Variants in ZNF536 observed in about 807,000 individuals in gnomAD.
The protein encoded by ZNF536 is zinc finger protein 536.
In ZNF536, 13 loss-of-function variants were observed where a neutral mutation model predicts 84.5. The observed-to-expected ratio is 0.15, with a 90% CI of 0.10 to 0.24. The LOEUF is 0.24. Ranked by LOEUF, ZNF536 falls within the 10% of genes least tolerant of loss-of-function variation. The probability of loss-of-function intolerance (pLI) is 1.00; values close to 1 mark genes in which losing one functional copy is unlikely to be tolerated. For synonymous variants in ZNF536, 811 were observed against 742.5 expected (o/e 1.09, Z -1.50); for missense variants, 1,536 against 1,747.5 (o/e 0.88, Z 2.16).
intron 1 of ZNF536, among the ~76,000 whole-genome samples, chr19:30,610,927 G>A (rs1166443310): frequency 2.0e-5 from 3 of 152,192 alleles, no homozygotes; most frequent in Middle Eastern, 3.2e-3. Flanking sequence ...AAGAAGCTCT[G>A]TTATTTACCT....
At chr19:30,387,366 G>T (rs916614994) in intron 1 of ZNF536, among the ~76,000 whole-genome samples, 5 of 152,250 alleles carry the variant, frequency 3.3e-5, no homozygotes, top group African/African-American at 1.2e-4. Context: ...GCCCCTGGTT[G>T]CTGTGGGCTG....
At chr19:30,304,359 G>A (rs2046283630) in intron 2 of ZNF536, among the ~76,000 whole-genome samples, 1 of 152,200 alleles carries the variant, frequency 6.6e-6, no homozygotes, top group Non-Finnish European at 1.5e-5. Flanking sequence ...CTTAAGGCCA[G>A]GTCCCTTAGG....
chr19:30,640,843 G>A (rs112432422), intron 1 of ZNF536, among the ~76,000 whole-genome samples: 5 of 152,224 alleles, frequency 3.3e-5, no homozygotes, highest in East Asian at 1.9e-4. Flanking sequence ...CTAGGGCCTC[G>A]TGTCAGCAGC....
At chr19:30,602,092 C>T (rs2047707684) in intron 1 of ZNF536, among the ~76,000 whole-genome samples, 1 of 152,236 alleles carries the variant, frequency 6.6e-6, no homozygotes, top group Non-Finnish European at 1.5e-5. Context: ...TTAGCGTTAT[C>T]TGCAGTGGTA....
intron 1 of ZNF536, among the ~76,000 whole-genome samples, chr19:30,657,342 A>C (rs1329591242): frequency 6.6e-6 from 1 of 152,334 alleles, no homozygotes; most frequent in East Asian, 1.9e-4. Flanking sequence ...ATCACTCTAC[A>C]GACTTGGAGA....
At chr19:30,475,154 C>T (rs1414103767) in intron 2 of ZNF536, among the ~76,000 whole-genome samples, 1 of 152,150 alleles carries the variant, frequency 6.6e-6, no homozygotes, top group Admixed American at 6.5e-5. Flanking sequence ...AATCTCAGCT[C>T]ACTGCAACCT....
At chr19:30,346,065 C>T (rs1157297056) in intron 2 of ZNF536, among the ~76,000 whole-genome samples, 1 of 152,174 alleles carries the variant, frequency 6.6e-6, no homozygotes, top group Non-Finnish European at 1.5e-5. Context: ...TATGATGCTG[C>T]CACAGTGTTA....
chr19:30,325,842 G>T (rs984593972), intron 2 of ZNF536, among the ~76,000 whole-genome samples: 3 of 152,178 alleles, frequency 2.0e-5, no homozygotes, highest in Admixed American at 2.0e-4. Context: ...CAGGCACTGG[G>T]CTGCCCGGCT....
intron 1 of ZNF536, among the ~76,000 whole-genome samples, chr19:30,586,296 A>T (rs550397517): frequency 6.6e-6 from 1 of 152,360 alleles, no homozygotes; most frequent in South Asian, 2.1e-4. Context: ...TATAGAGGCA[A>T]AAAGGGGAGT....
intron 1 of ZNF536, among the ~76,000 whole-genome samples, chr19:30,600,153 C>T (rs1186788824): frequency 6.6e-6 from 1 of 151,580 alleles, no homozygotes; most frequent in African/African-American, 2.4e-5. Context: ...ACTGCATTGG[C>T]TTGATTTCAG....
chr19:30,248,231 T>C (rs544729138), intron 1 of ZNF536, among the ~76,000 whole-genome samples: 1 of 149,710 alleles, frequency 6.7e-6, no homozygotes, highest in Non-Finnish European at 1.5e-5. Context: ...TTTCTTTTTT[T>C]TTTTTTTTGC....
intron 1 of ZNF536, among the ~76,000 whole-genome samples, chr19:30,254,534 T>C (rs2024804692): frequency 2.6e-5 from 4 of 151,698 alleles, no homozygotes; most frequent in African/African-American, 7.3e-5. Flanking sequence ...TTTTTTTTTT[T>C]TTTTTAAAGT....
intron 2 of ZNF536, among the ~76,000 whole-genome samples, chr19:30,471,105 G>A (rs1312345308): frequency 1.3e-5 from 2 of 151,716 alleles, no homozygotes; most frequent in Non-Finnish European, 2.9e-5. Context: ...ACAGGTGTAC[G>A]CCACCAGGCC....
intron 2 of ZNF536, among the ~76,000 whole-genome samples, chr19:30,455,927 T>C (rs1243485556): frequency 6.6e-6 from 1 of 152,232 alleles, no homozygotes; most frequent in Non-Finnish European, 1.5e-5. Context: ...GTATGTCATA[T>C]TTTTTCTTGT....
chr19:30,332,554 T>C (rs1321734573), intron 2 of ZNF536, among the ~76,000 whole-genome samples: 1 of 152,098 alleles, frequency 6.6e-6, no homozygotes. Context: ...TATCCCCTCC[T>C]CAGAAAGCCG....
intron 2 of ZNF536, among the ~76,000 whole-genome samples, chr19:30,475,348 A>C (rs1031231186): frequency 6.6e-6 from 1 of 152,160 alleles, no homozygotes; most frequent in African/African-American, 2.4e-5. Context: ...TCACGTCTAT[A>C]ATCCCAGCAC....
intron 1 of ZNF536, among the ~76,000 whole-genome samples, chr19:30,635,067 G>GGTGTGT (rs10693532): frequency 2.3e-4 from 35 of 150,278 alleles, no homozygotes; most frequent in African/African-American, 5.1e-4. Flanking sequence ...AAGAAAGCTG[G>GGTGTGT]GTGTGTGTGT....
chr19:30,445,725 C>T lies in ZNF536; in HGVS notation c.2163C>T (p.Ser721=), dbSNP rs780524436. The T allele has an allele frequency of 6.4e-7, 1 of 1,557,038 alleles. No homozygotes were observed. Among genetic ancestry groups the T allele is most frequent in the Non-Finnish European group, 8.7e-7 (1 of 1,150,770 alleles). Residue 721 remains serine (S), a synonymous_variant, in exon 2 of 5, where the codon TCC becomes TCT. Transcript: ENST00000355537. This position sits in a 1 kb window ranked among gnomAD's most constrained non-coding sequence, Gnocchi z 4.5. ...ACAGCCCGCACCCCTCCTCGCCATCCTCCTCAGGTAGGTTAGCTGAGAAGC... is the reference window on the plus strand; with the variant it reads ...ACAGCCCGCACCCCTCCTCGCCATCTTCCTCAGGTAGGTTAGCTGAGAAGC... The part of the protein sequence containing the change: ...QEDSPHPSSP[S]SSDIGEEAGR...
chr19:30,320,060 T>A lies in ZNF536; in HGVS notation c.-119-32308T>A, dbSNP rs530394702. On this transcript the variant is annotated intron_variant, in intron 2 of 5. Transcript: ENST00000585628. The stretch of plus-strand genomic sequence containing the variant: ...ATTGGACAGGAAGGAAATTACTGGC[T>A]CCCATCAGTGTTACTGGCAATCCCC... 2.6e-5 allele frequency among the ~76,000 whole-genome samples: 4 copies of A among 152,352 alleles called. No individual in the cohort carries two copies. The South Asian group carries it at 6.2e-4, about 24-fold the overall frequency.
Sources: gnomAD v4.1 joint callset for allele counts (sites outside exome capture counted in the v4.1 genomes callset) on GRCh38, gnomAD v4.1.1 for gene constraint, Gnocchi (gnomAD v3.1) non-coding constraint, MANE v1.5 for transcripts, NCBI Gene and HGNC (gene_info 2026-07-23, HGNC 2026-07-21) for gene names.